The following ACKR3 variants were observed in gnomAD, a reference collection of about 807,000 sequenced individuals.
ACKR3 encodes C-X-C chemokine receptor type 7.
Under a neutral mutation model 22.4 loss-of-function variants are expected in ACKR3, and 6 were observed. That is an observed-to-expected ratio of 0.27 (90% CI 0.15 to 0.53). The LOEUF is 0.53. Ranked by LOEUF, ACKR3 falls within the 20% of genes least tolerant of loss-of-function variation. The pLI is 0.96. For missense variants in ACKR3, 396 were observed against 475.2 expected, an observed-to-expected ratio of 0.83 and a Z score of 1.55; for synonymous variants, 209 against 205.2, an observed-to-expected ratio of 1.02 and a Z score of -0.16.
At chr2:236,539,686 A>G in the ACKR3 span, among the ~76,000 whole-genome samples, 2 of 152,142 alleles carry the variant, frequency 1.3e-5, no homozygotes, top group Non-Finnish European at 2.9e-5. Flanking sequence ...GTAAATACCT[A>G]ATAGTATAAT....
Position 236,581,661 on chromosome 2 carries a change from G to A in ACKR3, c.*107G>A, listed in dbSNP as rs1691541752. On this transcript the variant is annotated 3_prime_UTR_variant, in exon 2 of 2. Transcript: ENST00000272928. The surrounding 1 kb of genome is among the most constrained non-coding windows in gnomAD (Gnocchi z 4.4). ...AGTAGCTTCGGGTCTTGATGCTTGAGTAGAGTGAAGAGGGGAGCACGTGCC... is the reference window on the plus strand; with the variant it reads ...AGTAGCTTCGGGTCTTGATGCTTGAATAGAGTGAAGAGGGGAGCACGTGCC... The A allele has an allele frequency of 3.6e-6, 5 of 1,407,518 alleles. No homozygotes were observed. In the African/African-American group the frequency reaches 4.3e-5, roughly 12 times the overall value. The allele number at this position is 1,407,518 out of a possible 1,614,324, so 87.2% of individuals were successfully genotyped here.
At chr2:236,556,231 C>T in the ACKR3 span, among the ~76,000 whole-genome samples, 1 of 152,142 alleles carries the variant, frequency 6.6e-6, no homozygotes, top group Non-Finnish European at 1.5e-5. Flanking sequence ...GGAGCTTGAG[C>T]AAGAAGAGGG....
At chr2:236,545,790 C>G in the ACKR3 span, among the ~76,000 whole-genome samples, 4 of 152,052 alleles carry the variant, frequency 2.6e-5, no homozygotes, top group African/African-American at 9.7e-5. This position sits in a 1 kb window ranked among gnomAD's most constrained non-coding sequence, Gnocchi z 5.3. Flanking sequence ...GTTTTCCAAG[C>G]CAAATAAATT....
the ACKR3 span, among the ~76,000 whole-genome samples, chr2:236,537,215 A>G: frequency 6.6e-6 from 1 of 152,198 alleles, no homozygotes; most frequent in African/African-American, 2.4e-5. Flanking sequence ...GGATTCTAGG[A>G]ATACCAGCAA....
the ACKR3 span, among the ~76,000 whole-genome samples, chr2:236,544,356 G>C: frequency 0.22 from 33,245 of 152,048 alleles, 5,039 homozygotes; most frequent in African/African-American, 0.44. This position sits in a 1 kb window ranked among gnomAD's most constrained non-coding sequence, Gnocchi z 5.0. Context: ...TTCTGTGGAT[G>C]GGGGGAAGGC....
the ACKR3 span, among the ~76,000 whole-genome samples, chr2:236,554,433 T>C: frequency 2.0e-5 from 3 of 152,134 alleles, no homozygotes; most frequent in Non-Finnish European, 2.9e-5. Flanking sequence ...AGGGATTGGC[T>C]AGAAAGAAGT....
the ACKR3 span, among the ~76,000 whole-genome samples, chr2:236,538,626 T>C: frequency 7.2e-5 from 11 of 152,286 alleles, no homozygotes; most frequent in South Asian, 1.2e-3. Context: ...TAAGACCAAG[T>C]CTAGTGGACC....
the ACKR3 span, among the ~76,000 whole-genome samples, chr2:236,549,191 T>G: frequency 6.6e-6 from 1 of 152,230 alleles, no homozygotes; most frequent in Non-Finnish European, 1.5e-5. This position sits in a 1 kb window ranked among gnomAD's most constrained non-coding sequence, Gnocchi z 5.3. Context: ...TTCCTGTGTC[T>G]TCTCCTCCAG....
chr2:236,552,045 C>T, the ACKR3 span, among the ~76,000 whole-genome samples: 1 of 152,206 alleles, frequency 6.6e-6, no homozygotes, highest in African/African-American at 2.4e-5. Context: ...GTAACTGAAA[C>T]CTGGTCTCTA....
upstream of ACKR3, among the ~76,000 whole-genome samples, chr2:236,563,634 GATTA>G (rs1000266710): frequency 2.0e-5 from 3 of 152,174 alleles, no homozygotes; most frequent in Admixed American, 1.3e-4. Context: ...GTGGTCTGAG[GATTA>G]ATTAGAGAGC....
Position 236,574,652 on chromosome 2 carries a change from C to T in ACKR3, c.-27+4728C>T, listed in dbSNP as rs1691370821. On this transcript the variant is annotated intron_variant, in intron 1 of 1. Coordinates refer to ENST00000272928, the MANE Select transcript of ACKR3 (RefSeq NM_020311.3). This position sits in a 1 kb window ranked among gnomAD's most constrained non-coding sequence, Gnocchi z 5.6. Reference sequence around the variant, plus strand: ...TGCTGATTGCATACTCAGCCACCACCCATGAAGGCTCTAAACCTGAGTACC... The same window carrying T: ...TGCTGATTGCATACTCAGCCACCACTCATGAAGGCTCTAAACCTGAGTACC... Among the ~76,000 whole-genome samples, 1 of 152,140 alleles carries T rather than the reference C, an allele frequency of 6.6e-6. No homozygotes were observed. Among genetic ancestry groups the T allele is most frequent in the African/African-American group, 2.4e-5 (1 of 41,420 alleles).
chr2:236,539,077 C>T, the ACKR3 span, among the ~76,000 whole-genome samples: 1 of 152,062 alleles, frequency 6.6e-6, no homozygotes, highest in East Asian at 1.9e-4. Context: ...TGAGATTCAT[C>T]CCTGTTGCTG....
chr2:236,543,951 A>ATC, the ACKR3 span, among the ~76,000 whole-genome samples: 1 of 47,922 alleles, frequency 2.1e-5, no homozygotes, highest in Non-Finnish European at 3.5e-5. Flanking sequence ...GTATATATAT[A>ATC]TATATATATA....
At chr2:236,538,302 C>G in the ACKR3 span, among the ~76,000 whole-genome samples, 1 of 152,178 alleles carries the variant, frequency 6.6e-6, no homozygotes, top group Non-Finnish European at 1.5e-5. Context: ...AAAAGCAGAA[C>G]AGACACAGAT....
At chr2:236,559,406 A>G in the ACKR3 span, among the ~76,000 whole-genome samples, 1 of 152,242 alleles carries the variant, frequency 6.6e-6, no homozygotes, top group African/African-American at 2.4e-5. Context: ...AAATATTCCT[A>G]TGTATTTCCC....
At chr2:236,550,485 G>A in the ACKR3 span, among the ~76,000 whole-genome samples, 3 of 152,196 alleles carry the variant, frequency 2.0e-5, no homozygotes, top group Non-Finnish European at 4.4e-5. This position sits in a 1 kb window ranked among gnomAD's most constrained non-coding sequence, Gnocchi z 4.6. Flanking sequence ...ACCTTCTGAG[G>A]ATATCCAGCT....
At chr2:236,572,808 C>T (rs1422812017) in intron 1 of ACKR3, among the ~76,000 whole-genome samples, 2 of 152,168 alleles carry the variant, frequency 1.3e-5, no homozygotes, top group Non-Finnish European at 2.9e-5. Context: ...TATTTGATCC[C>T]CCAAATCCTT....
upstream of ACKR3, among the ~76,000 whole-genome samples, chr2:236,569,043 A>G (rs979358067): frequency 2.6e-5 from 4 of 152,196 alleles, no homozygotes; most frequent in Non-Finnish European, 4.4e-5. Flanking sequence ...CGTGGGGGGA[A>G]CTTTAGCAAT....
the ACKR3 span, among the ~76,000 whole-genome samples, chr2:236,550,861 C>T: frequency 6.6e-6 from 1 of 152,330 alleles, no homozygotes; most frequent in African/African-American, 2.4e-5. The surrounding 1 kb of genome is among the most constrained non-coding windows in gnomAD (Gnocchi z 4.6). Flanking sequence ...CTTTCCGTGT[C>T]ATGTGCATTC....
Sources: gnomAD v4.1 joint callset for allele counts (sites outside exome capture counted in the v4.1 genomes callset) on GRCh38, gnomAD v4.1.1 for gene constraint, Gnocchi (gnomAD v3.1) non-coding constraint, MANE v1.5 for transcripts, NCBI Gene and HGNC (gene_info 2026-07-23, HGNC 2026-07-21) for gene names.